SUPT3H: variants seen among roughly 807,000 people sequenced by gnomAD.
SUPT3H encodes transcription initiation protein SPT3 homolog.
SUPT3H carries 44 observed loss-of-function variants against 44.3 expected under a neutral mutation model. That is an observed-to-expected ratio of 0.99 (90% CI 0.78 to 1.28). The LOEUF (loss-of-function observed/expected upper bound fraction) is 1.28. SUPT3H is among the 50% of genes most tolerant of loss of function. The pLI is 0.00. For missense variants in SUPT3H, 380 were observed against 387.1 expected (o/e 0.98, Z 0.15); for synonymous variants, 124 against 125.6 (o/e 0.99, Z 0.09).
chr6:45,365,832 G>C (rs1172141980), intron 1 of SUPT3H, among the ~76,000 whole-genome samples: 2 of 151,348 alleles, frequency 1.3e-5, no homozygotes, highest in Admixed American at 1.3e-4. Flanking sequence ...AATCCTATTT[G>C]AACAAAAGCC....
chr6:45,062,821 G>A (rs1336410295), intron 3 of SUPT3H, among the ~76,000 whole-genome samples: 3 of 152,050 alleles, frequency 2.0e-5, no homozygotes, highest in Non-Finnish European at 4.4e-5. Flanking sequence ...CGCCCACGGA[G>A]TCTCCCTGAT....
Position 44,990,065 on chromosome 6 carries a change from C to T in SUPT3H, c.504+13588G>A, listed in dbSNP as rs530439219. 6.9e-4 allele frequency among the ~76,000 whole-genome samples: 105 copies of T among 152,192 alleles called. 1 individual carries two copies. The highest frequency in any genetic ancestry group is 3.4e-3 in the Middle Eastern group (1 of 294). ...GCTTTTGGTGTGATATCCAAAAAAT[C>T]TTACCAAGGCCAACGTCAAGGAGCT... On this transcript the variant is annotated intron_variant, in intron 6 of 10. Transcript: ENST00000371459.
intron 2 of SUPT3H, among the ~76,000 whole-genome samples, chr6:45,331,343 A>G (rs963107536): frequency 2.0e-5 from 3 of 152,050 alleles, no homozygotes; most frequent in African/African-American, 4.8e-5. Context: ...GATTATCTAC[A>G]TAAAATCTTT....
chr6:45,138,039 T>C (rs572954387), intron 2 of SUPT3H, among the ~76,000 whole-genome samples: 1 of 152,094 alleles, frequency 6.6e-6, no homozygotes, highest in Non-Finnish European at 1.5e-5. Context: ...AATTTTTAAA[T>C]TGTAAGATTT....
Position 44,997,973 on chromosome 6 carries a change from A to G in SUPT3H, c.504+5680T>C, listed in dbSNP as rs143625346. Among the ~76,000 whole-genome samples the G allele has an allele frequency of 5.7e-3, 874 of 152,008 alleles. 9 individuals carry two copies. The highest frequency in any genetic ancestry group is 0.02 in the African/African-American group (823 of 41,542). ...CTAATATTGAAGCATACTCGAACTC[A>G]AGGAAAAAATCCTACTCAGTTGTGA... On this transcript the variant is annotated intron_variant, in intron 6 of 10. Coordinates refer to ENST00000371459, the MANE Select transcript of SUPT3H (RefSeq NM_003599.4).
At chr6:45,247,236 T>C (rs1279812405) in intron 2 of SUPT3H, among the ~76,000 whole-genome samples, 1 of 152,204 alleles carries the variant, frequency 6.6e-6, no homozygotes, top group Non-Finnish European at 1.5e-5. Flanking sequence ...AATAGCCCTA[T>C]ATTTTTCAGG....
At chr6:45,181,542 A>C (rs1813188288) in intron 2 of SUPT3H, among the ~76,000 whole-genome samples, 2 of 151,986 alleles carry the variant, frequency 1.3e-5, no homozygotes, top group South Asian at 4.2e-4. Flanking sequence ...AGCCATAAAA[A>C]ATGATGAGTT....
At chr6:44,843,607 G>GA (rs1394628930) in intron 10 of SUPT3H, among the ~76,000 whole-genome samples, 6 of 151,878 alleles carry the variant, frequency 4.0e-5, no homozygotes, top group Admixed American at 2.6e-4. Context: ...TGAACAAGAA[G>GA]AAAAAATTAA....
chr6:44,842,549 G>C (rs1267110587), intron 10 of SUPT3H, among the ~76,000 whole-genome samples: 2 of 152,066 alleles, frequency 1.3e-5, no homozygotes, highest in Non-Finnish European at 2.9e-5. Context: ...GAAATGAATG[G>C]AAAGAGAGTA....
At chr6:44,865,784 G>T (rs1775400631) in intron 10 of SUPT3H, among the ~76,000 whole-genome samples, 1 of 152,122 alleles carries the variant, frequency 6.6e-6, no homozygotes, top group South Asian at 2.1e-4. Context: ...TTAGAGGCAG[G>T]GACTTGAGGT....
rs535531970 is a variant in SUPT3H, at chr6:44,946,881, G to A, written c.801+6429C>T. ...GGTAAATGCTATCAAACAATATCAC[G>A]TGCTACAGAGAAATCTTTCAAGAAA... is the stretch of plus-strand genomic sequence containing the variant. On this transcript the variant is annotated intron_variant, in intron 9 of 10. Coordinates refer to ENST00000371459, the MANE Select transcript of SUPT3H (RefSeq NM_003599.4). Among the ~76,000 whole-genome samples, 32 of 152,178 alleles carry A rather than the reference G, an allele frequency of 2.1e-4. No homozygotes were observed. In the South Asian group the frequency reaches 5.6e-3, roughly 27 times the overall value.
At chr6:45,372,128 G>A (rs933718105) in intron 1 of SUPT3H, 3 of 582,220 alleles carry the variant, frequency 5.2e-6, no homozygotes, top group African/African-American at 2.0e-5. Flanking sequence ...AAACCACAAT[G>A]GAAGCAGTAA....
chr6:44,854,965 G>C (rs1350915890), intron 10 of SUPT3H, among the ~76,000 whole-genome samples: 3 of 152,068 alleles, frequency 2.0e-5, no homozygotes, highest in African/African-American at 2.4e-5. Context: ...AGCACAAAGA[G>C]GAAGCACAAA....
At chr6:45,272,648 C>G (rs1039295485) in intron 2 of SUPT3H, among the ~76,000 whole-genome samples, 4 of 152,098 alleles carry the variant, frequency 2.6e-5, no homozygotes, top group African/African-American at 4.8e-5. Flanking sequence ...AGGTGGATGC[C>G]TAATGATATC....
At chr6:45,020,653 G>C (rs1029476776) in intron 3 of SUPT3H, 21 bp from the exon 4 acceptor site, 5 of 1,589,356 alleles carry the variant, frequency 3.1e-6, no homozygotes, top group Non-Finnish European at 4.3e-6. Context: ...TGAAAATTTA[G>C]AAATTTTTCT....
At chr6:45,105,083 T>C (rs1232268140) in intron 3 of SUPT3H, among the ~76,000 whole-genome samples, 7 of 151,930 alleles carry the variant, frequency 4.6e-5, no homozygotes, top group African/African-American at 1.7e-4. Flanking sequence ...TAGTATAGCA[T>C]ATACAACGAG....
chr6:45,239,916 T>C (rs775773658), intron 2 of SUPT3H, among the ~76,000 whole-genome samples: 6 of 152,230 alleles, frequency 3.9e-5, no homozygotes, highest in Admixed American at 1.3e-4. Flanking sequence ...TCTAGCATTA[T>C]TGACTTCAAA....
intron 2 of SUPT3H, among the ~76,000 whole-genome samples, chr6:45,345,517 C>A (rs1041808645): frequency 6.6e-6 from 1 of 152,106 alleles, no homozygotes; most frequent in Non-Finnish European, 1.5e-5. Context: ...CTTAATGGCA[C>A]GATCAGCTTG....
chr6:44,966,024 C>T lies in SUPT3H; in HGVS notation c.505-4196G>A, dbSNP rs968664669. 3.3e-5 allele frequency among the ~76,000 whole-genome samples: 5 copies of T among 152,172 alleles called. No homozygotes were observed. In the East Asian group the frequency reaches 5.8e-4, roughly 18 times the overall value. On this transcript the variant is annotated intron_variant, in intron 6 of 10. Coordinates refer to ENST00000371459, the MANE Select transcript of SUPT3H (RefSeq NM_003599.4). The stretch of plus-strand genomic sequence containing the variant: ...TAAGAATTAGGATCAAACTGTAATC[C>T]AATTTTACAAATCCCAGGGAGACAA...
Sources: gnomAD v4.1 joint callset for allele counts (sites outside exome capture counted in the v4.1 genomes callset) on GRCh38, gnomAD v4.1.1 for gene constraint, MANE v1.5 for transcripts, NCBI Gene and HGNC (gene_info 2026-07-23, HGNC 2026-07-21) for gene names.